Variants in PID1 observed in about 807,000 individuals in gnomAD.
The protein encoded by PID1 is PTB-containing, cubilin and LRP1-interacting protein.
A neutral mutation model predicts 19.1 loss-of-function variants in PID1; 10 were observed. The observed-to-expected ratio is 0.52, with a 90% CI of 0.32 to 0.89. PID1 has a LOEUF of 0.89. Ranked by LOEUF, PID1 falls within the 40% of genes least tolerant of loss-of-function variation. The pLI is 0.03. For synonymous variants in PID1, 130 were observed against 116.0 expected (o/e 1.12, Z -0.78); for missense variants, 248 against 285.3 (o/e 0.87, Z 0.94).
intron 1 of PID1, among the ~76,000 whole-genome samples, chr2:229,229,282 T>A (rs541775441): frequency 6.6e-6 from 1 of 152,328 alleles, no homozygotes; most frequent in South Asian, 2.1e-4. Context: ...TTGAAGCTAC[T>A]GTGGCCTCCC....
intron 1 of PID1, 73 bp from the exon 2 acceptor site, chr2:229,156,037 C>T (rs1690367250): frequency 7.2e-7 from 1 of 1,394,062 alleles, no homozygotes; most frequent in East Asian, 2.3e-5. Context: ...GTACATTAAA[C>T]CCAGTAGCAA....
At chr2:229,110,096 G>A (rs764037730) in intron 2 of PID1, among the ~76,000 whole-genome samples, 2 of 152,184 alleles carry the variant, frequency 1.3e-5, no homozygotes, top group Admixed American at 6.5e-5. Flanking sequence ...ACCTAAAGAC[G>A]CTGTAACCTA....
intron 2 of PID1, among the ~76,000 whole-genome samples, chr2:229,030,289 G>A (rs1693519438): frequency 6.6e-6 from 1 of 152,174 alleles, no homozygotes; most frequent in Admixed American, 6.5e-5. Flanking sequence ...TGTTCAATGG[G>A]TGCAGAGTTT....
chr2:229,073,487 G>C (rs1694499076), intron 2 of PID1, among the ~76,000 whole-genome samples: 1 of 152,092 alleles, frequency 6.6e-6, no homozygotes, highest in African/African-American at 2.4e-5. Context: ...AGAGGAGTTG[G>C]GAGAAAACAT....
At chr2:229,136,173 C>G (rs1689854464) in intron 2 of PID1, among the ~76,000 whole-genome samples, 1 of 152,174 alleles carries the variant, frequency 6.6e-6, no homozygotes, top group Non-Finnish European at 1.5e-5. Flanking sequence ...ACTGAGAAAT[C>G]TCTGGCCAAC....
chr2:229,152,618 T>C (rs577881321), intron 2 of PID1, among the ~76,000 whole-genome samples: 16 of 149,856 alleles, frequency 1.1e-4, no homozygotes, highest in Non-Finnish European at 2.1e-4. Context: ...AGAGTCCTAA[T>C]GCACTGCAGT....
intron 2 of PID1, among the ~76,000 whole-genome samples, chr2:229,109,779 C>T (rs774306583): frequency 1.3e-5 from 2 of 152,178 alleles, no homozygotes; most frequent in African/African-American, 4.8e-5. Flanking sequence ...CCCAACAGAT[C>T]CATGTCTGGA....
chr2:229,067,422 G>A (rs796082780), intron 2 of PID1, among the ~76,000 whole-genome samples: 3 of 152,304 alleles, frequency 2.0e-5, no homozygotes, highest in Admixed American at 6.5e-5. Flanking sequence ...GACAAGTAAG[G>A]GAGAGGATGG....
chr2:229,194,268 A>G (rs2106234343), intron 1 of PID1, among the ~76,000 whole-genome samples: 1 of 152,188 alleles, frequency 6.6e-6, no homozygotes, highest in East Asian at 1.9e-4. Context: ...AGAAGACCTA[A>G]GATTTATTAC....
chr2:229,179,323 G>C (rs1467277696), intron 1 of PID1, among the ~76,000 whole-genome samples: 1 of 152,086 alleles, frequency 6.6e-6, no homozygotes, highest in Non-Finnish European at 1.5e-5. Flanking sequence ...ACAGAAAACA[G>C]AGCCCTTCCA....
At chr2:229,217,454 T>C (rs752041166) in intron 1 of PID1, among the ~76,000 whole-genome samples, 6 of 152,174 alleles carry the variant, frequency 3.9e-5, no homozygotes, top group Non-Finnish European at 7.3e-5. Flanking sequence ...GTAAACAAGA[T>C]TCATTAATCT....
At chr2:229,114,196 CACACA>C (rs1013880376) in intron 2 of PID1, among the ~76,000 whole-genome samples, 4 of 148,288 alleles carry the variant, frequency 2.7e-5, no homozygotes, top group South Asian at 2.3e-4. Context: ...CACACACACA[CACACA>C]ACACAACACA....
chr2:229,195,352 C>T (rs6737210), intron 1 of PID1, among the ~76,000 whole-genome samples: 1,943 of 151,894 alleles, frequency 0.013, 47 homozygotes, highest in African/African-American at 0.045. Flanking sequence ...CACACACACA[C>T]ATGCACATAC....
In PID1 at chr2:229,262,510, A is replaced by C. The variant is rs1406940317; in HGVS notation, c.30+8504T>G. 3.3e-5 allele frequency among the ~76,000 whole-genome samples: 5 copies of C among 152,204 alleles called. No homozygotes were observed. The East Asian group carries it at 9.6e-4, about 29-fold the overall frequency. Reference sequence around the variant, plus strand: ...ATTAAAAAAAGGATTCCTTATAGACACATGCATTGTGTCGCAGTATGTGAA... The same window carrying C: ...ATTAAAAAAAGGATTCCTTATAGACCCATGCATTGTGTCGCAGTATGTGAA... On this transcript the variant is annotated intron_variant, in intron 1 of 2. Transcript: ENST00000392055.
At chr2:229,174,785 A>T (rs1439987468) in intron 1 of PID1, among the ~76,000 whole-genome samples, 1 of 152,100 alleles carries the variant, frequency 6.6e-6, no homozygotes, top group Non-Finnish European at 1.5e-5. Flanking sequence ...AAATGCTAAA[A>T]GGTATGAAAG....
intron 1 of PID1, among the ~76,000 whole-genome samples, chr2:229,181,718 A>G (rs1433634780): frequency 1.3e-5 from 2 of 152,226 alleles, no homozygotes; most frequent in East Asian, 3.8e-4. Context: ...GCTAGAAATG[A>G]CATGCTGCTT....
intron 1 of PID1, among the ~76,000 whole-genome samples, chr2:229,177,336 T>C (rs1028396950): frequency 6.6e-6 from 1 of 152,182 alleles, no homozygotes; most frequent in African/African-American, 2.4e-5. Flanking sequence ...CAGGGCTACA[T>C]AAGGATTAAC....
chr2:229,176,448 C>A (rs1381170397), intron 1 of PID1, among the ~76,000 whole-genome samples: 1 of 152,180 alleles, frequency 6.6e-6, no homozygotes. Context: ...ATTAGGGAAC[C>A]AGGCCTCCAA....
rs568428800 is a variant in PID1, at chr2:229,209,571, C to T, written c.31-53607G>A. 9.9e-5 allele frequency among the ~76,000 whole-genome samples: 15 copies of T among 152,186 alleles called. No individual in the cohort carries two copies. In the East Asian group the frequency reaches 2.3e-3, roughly 24 times the overall value. On this transcript the variant is annotated intron_variant, in intron 1 of 2. Transcript: ENST00000392055. ...GAATCACCACATGGAAGACAGCCAC[C>T]GAATTGTCCAGGAACACAACTTTGA... is the stretch of plus-strand genomic sequence containing the variant.
Sources: allele counts gnomAD v4.1 joint callset (sites outside exome capture counted in the v4.1 genomes callset), GRCh38; gene constraint gnomAD v4.1.1; transcripts MANE v1.5; gene names NCBI Gene and HGNC (gene_info 2026-07-23, HGNC 2026-07-21).